The following SMAP2 variants were observed in gnomAD, a reference collection of about 807,000 sequenced individuals.
SMAP2 encodes the protein small ArfGAP2, also known as stromal membrane-associated protein 2.
A neutral mutation model predicts 56.4 loss-of-function variants in SMAP2; 25 were observed. That is an observed-to-expected ratio of 0.44 (90% CI 0.32 to 0.62). The LOEUF (loss-of-function observed/expected upper bound fraction) is 0.62, where lower values mean the gene tolerates loss of function less well. SMAP2 is among the 20% of genes least tolerant of loss of function. The pLI, the probability that SMAP2 is intolerant of heterozygous loss-of-function variation, is 0.04. For synonymous variants in SMAP2, 157 were observed against 181.7 expected (o/e 0.86, Z 1.09); for missense variants, 388 against 545.6 (o/e 0.71, Z 2.88).
At chr1:40,348,885 C>G (rs530874983) in intron 1 of SMAP2, among the ~76,000 whole-genome samples, 2 of 152,208 alleles carry the variant, frequency 1.3e-5, no homozygotes, top group African/African-American at 4.8e-5. Flanking sequence ...ATTCTCCTGC[C>G]TCATTCTCCC....
At chr1:40,390,623 A>G (rs1308368861) in intron 1 of SMAP2, among the ~76,000 whole-genome samples, 3 of 152,192 alleles carry the variant, frequency 2.0e-5, no homozygotes, top group East Asian at 3.8e-4. Context: ...AGTGAATTGT[A>G]TGTTGTAATA....
intron 1 of SMAP2, among the ~76,000 whole-genome samples, chr1:40,378,910 C>T (rs1485868586): frequency 6.6e-6 from 1 of 152,038 alleles, no homozygotes; most frequent in African/African-American, 2.4e-5. Flanking sequence ...ATTCTGCTGT[C>T]CCTCATCTCT....
At chr1:40,371,620 A>T (rs914328771), upstream of SMAP2, among the ~76,000 whole-genome samples, 4 of 152,254 alleles carry the variant, frequency 2.6e-5, no homozygotes, top group African/African-American at 9.6e-5. Flanking sequence ...AGAGGCTCAA[A>T]GCAACAAATA....
At chr1:40,364,132 A>G (rs140118840) in intron 2 of SMAP2, among the ~76,000 whole-genome samples, 52 of 152,336 alleles carry the variant, frequency 3.4e-4, no homozygotes, top group African/African-American at 1.2e-3. Flanking sequence ...TCTTAGCTAT[A>G]AGATACACTA....
At chr1:40,390,635 TA>T (rs973575939) in intron 1 of SMAP2, among the ~76,000 whole-genome samples, 1 of 151,850 alleles carries the variant, frequency 6.6e-6, no homozygotes, top group Non-Finnish European at 1.5e-5. Flanking sequence ...GTTGTAATAA[TA>T]AAAAAAAGAA....
In SMAP2 at chr1:40,374,708, G is replaced by A. The variant is rs1427695002; in HGVS notation, c.103+485G>A. On this transcript the variant is annotated intron_variant, in intron 1 of 9. Transcript: ENST00000372718. The surrounding 1 kb of genome is among the most constrained non-coding windows in gnomAD (Gnocchi z 5.9). ...GAAAACTGCTTAAATGATTTTTAAA[G>A]GTGGTGATTTTTGCTTCCTGCTATT... 1.3e-6 allele frequency: 2 copies of A among 1,550,448 alleles called. No homozygotes were observed. The highest frequency in any genetic ancestry group is 1.7e-6 in the Non-Finnish European group (2 of 1,146,974).
intron 9 of SMAP2, among the ~76,000 whole-genome samples, chr1:40,417,983 AACT>A (rs1479449017): frequency 1.3e-5 from 2 of 152,298 alleles, no homozygotes; most frequent in Non-Finnish European, 2.9e-5. Context: ...ATTTGTACAC[AACT>A]ACTACAGGAA....
chr1:40,393,943 C>T (rs1644743808), intron 1 of SMAP2, among the ~76,000 whole-genome samples: 1 of 152,136 alleles, frequency 6.6e-6, no homozygotes. Flanking sequence ...TTTTCTGATT[C>T]ACCCTTTTTT....
At chr1:40,396,238 C>T (rs535590539) in intron 1 of SMAP2, among the ~76,000 whole-genome samples, 2 of 152,224 alleles carry the variant, frequency 1.3e-5, no homozygotes, top group East Asian at 3.9e-4. Context: ...TAATGGGACT[C>T]CGTATAAGGA....
chr1:40,349,111 C>G (rs551650625), intron 1 of SMAP2, among the ~76,000 whole-genome samples: 1 of 152,270 alleles, frequency 6.6e-6, no homozygotes, highest in South Asian at 2.1e-4. Context: ...ATATTATCTT[C>G]TCTATTTTCC....
intron 1 of SMAP2, among the ~76,000 whole-genome samples, chr1:40,356,744 T>C (rs1413133175): frequency 1.3e-5 from 2 of 152,202 alleles, no homozygotes; most frequent in African/African-American, 2.4e-5. Context: ...CTCCAAACTG[T>C]TCTCCATAGT....
rs549740364 is a variant in SMAP2, at chr1:40,407,521, A to T, written c.237+652A>T. 2.0e-3 allele frequency among the ~76,000 whole-genome samples: 311 copies of T among 152,212 alleles called. 1 individual carries two copies. The highest frequency in any genetic ancestry group is 7.1e-3 in the African/African-American group (297 of 41,540). On this transcript the variant is annotated intron_variant, in intron 2 of 9. Transcript: ENST00000372718. ...ATAAATAAATAAAAATTCACTTTTTAAAAAAACCTCCAAATCATAGACTTA... is the reference window on the plus strand; with the variant it reads ...ATAAATAAATAAAAATTCACTTTTTTAAAAAACCTCCAAATCATAGACTTA...
chr1:40,355,814 T>C (rs981992887), intron 1 of SMAP2, among the ~76,000 whole-genome samples: 2 of 152,158 alleles, frequency 1.3e-5, no homozygotes, highest in Admixed American at 1.3e-4. Context: ...CTCACTATGT[T>C]GCCAAGGTTG....
rs531855937 is a variant in SMAP2, at chr1:40,361,536, A to G, written c.-82-764A>G. Among the ~76,000 whole-genome samples the G allele has an allele frequency of 2.6e-5, 4 of 151,900 alleles. No homozygotes were observed. The East Asian group carries it at 7.8e-4, about 30-fold the overall frequency. ...GACCAAGTGGGCCCTTGAGGTCCCC[A>G]ATTCCAGACCTTAGCTCTTAGATGG... On this transcript the variant is annotated intron_variant, in intron 1 of 6. Transcript: ENST00000435168.
intron 1 of SMAP2, among the ~76,000 whole-genome samples, chr1:40,396,108 C>T (rs949071282): frequency 3.3e-5 from 5 of 152,144 alleles, no homozygotes; most frequent in African/African-American, 1.2e-4. Context: ...ATATAAGTGG[C>T]TGCTTTCTTC....
intron 1 of SMAP2, among the ~76,000 whole-genome samples, chr1:40,387,936 C>T (rs907607520): frequency 3.9e-5 from 6 of 152,070 alleles, no homozygotes; most frequent in South Asian, 2.1e-4. Context: ...TGGCGGGCCC[C>T]GCACTTGGAG....
chr1:40,416,088 G>A (rs1644983803), intron 7 of SMAP2, 88 bp from the exon 8 acceptor site: 1 of 1,275,808 alleles, frequency 7.8e-7, no homozygotes, highest in Admixed American at 2.3e-5. Flanking sequence ...TATTGCAGAT[G>A]TTAGGAGCAG....
In SMAP2 at chr1:40,386,886, T is replaced by C. The variant is rs139228170; in HGVS notation, c.103+12663T>C. On this transcript the variant is annotated intron_variant, in intron 1 of 9. Coordinates refer to ENST00000372718, the MANE Select transcript of SMAP2 (RefSeq NM_022733.3). This position sits in a 1 kb window ranked among gnomAD's most constrained non-coding sequence, Gnocchi z 4.1. ...TTTTTTTTTTTGGAGACAAGGTCTC[T>C]CGCTCCGTCGCCCAAGCTGGAGTAC... 0.014 allele frequency among the ~76,000 whole-genome samples: 2,070 copies of C among 148,908 alleles called. 25 individuals are homozygous for C. Among genetic ancestry groups the C allele is most frequent in the Non-Finnish European group, 0.022 (1,457 of 67,486 alleles).
At chr1:40,361,044 C>G (rs1644457871) in intron 1 of SMAP2, among the ~76,000 whole-genome samples, 1 of 152,200 alleles carries the variant, frequency 6.6e-6, no homozygotes, top group African/African-American at 2.4e-5. Flanking sequence ...TTTGCCATCC[C>G]TTCCCCAATT....
Sources: allele counts gnomAD v4.1 joint callset (sites outside exome capture counted in the v4.1 genomes callset), GRCh38; gene constraint gnomAD v4.1.1; non-coding constraint Gnocchi (gnomAD v3.1); transcripts MANE v1.5; gene names NCBI Gene and HGNC (gene_info 2026-07-23, HGNC 2026-07-21).